CCBE1: variants seen among roughly 807,000 people sequenced by gnomAD.
The protein encoded by CCBE1 is collagen and calcium-binding EGF domain-containing protein 1.
A neutral mutation model predicts 50.0 loss-of-function variants in CCBE1; 37 were observed. The ratio of observed to expected loss-of-function variants is 0.74; its 90% confidence interval spans 0.57 to 0.97. CCBE1 has a LOEUF of 0.97. Ranked by LOEUF, CCBE1 falls within the 50% of genes least tolerant of loss-of-function variation. CCBE1 has a pLI of 0.00. For synonymous variants in CCBE1, 234 were observed against 203.7 expected (o/e 1.15, Z -1.27); for missense variants, 538 against 523.8 (o/e 1.03, Z -0.26).
intron 2 of CCBE1, among the ~76,000 whole-genome samples, chr18:59,686,322 T>C (rs1275491354): frequency 6.6e-6 from 1 of 152,202 alleles, no homozygotes; most frequent in Admixed American, 6.5e-5. Context: ...TTCCTTTAAG[T>C]GCCTCTTTTC....
chr18:59,575,814 T>C (rs1228053451), intron 2 of CCBE1, among the ~76,000 whole-genome samples: 1 of 152,186 alleles, frequency 6.6e-6, no homozygotes, highest in African/African-American at 2.4e-5. Context: ...GAGCAGGTCA[T>C]ACTGGGTAAG....
intron 2 of CCBE1, among the ~76,000 whole-genome samples, chr18:59,650,773 A>T (rs2054116932): frequency 6.6e-6 from 1 of 151,444 alleles, no homozygotes; most frequent in Admixed American, 6.6e-5. Context: ...ACTGGAGAAC[A>T]AGCCCATCCT....
chr18:59,474,437 C>T (rs1045140682), intron 3 of CCBE1, among the ~76,000 whole-genome samples: 1 of 152,200 alleles, frequency 6.6e-6, no homozygotes, highest in African/African-American at 2.4e-5. Context: ...TTTCTTAAGA[C>T]CTTTTCCTTG....
At chr18:59,572,414 T>C (rs1434937123) in intron 2 of CCBE1, among the ~76,000 whole-genome samples, 1 of 152,218 alleles carries the variant, frequency 6.6e-6, no homozygotes, top group Non-Finnish European at 1.5e-5. Flanking sequence ...TAGAATATCA[T>C]ATGGGTTTTT....
At chr18:59,491,778 G>A (rs944989956) in intron 2 of CCBE1, among the ~76,000 whole-genome samples, 7 of 151,194 alleles carry the variant, frequency 4.6e-5, no homozygotes, top group African/African-American at 1.5e-4. Flanking sequence ...TTGCACCACT[G>A]GACTCCAACC....
At chr18:59,686,577 T>C (rs1426212904) in intron 2 of CCBE1, among the ~76,000 whole-genome samples, 1 of 152,256 alleles carries the variant, frequency 6.6e-6, no homozygotes, top group African/African-American at 2.4e-5. Context: ...CAGTACTTGA[T>C]GCTTTTGTAT....
At chr18:59,583,613 C>T (rs2053119939) in intron 2 of CCBE1, among the ~76,000 whole-genome samples, 1 of 151,944 alleles carries the variant, frequency 6.6e-6, no homozygotes, top group Non-Finnish European at 1.5e-5. Context: ...AGCTTCTCCC[C>T]TATAAATAGC....
chr18:59,661,068 G>T (rs1276186608), intron 2 of CCBE1, among the ~76,000 whole-genome samples: 5 of 151,806 alleles, frequency 3.3e-5, no homozygotes, highest in Non-Finnish European at 7.4e-5. Context: ...ATTTTCCCTG[G>T]AGATAGTCCA....
At chr18:59,596,503 A>G (rs2053352846) in intron 2 of CCBE1, among the ~76,000 whole-genome samples, 2 of 152,206 alleles carry the variant, frequency 1.3e-5, no homozygotes, top group African/African-American at 2.4e-5. Context: ...GTCTAGACTG[A>G]TAAGACTTTG....
chr18:59,590,880 G>A (rs1403906852), intron 2 of CCBE1, among the ~76,000 whole-genome samples: 13 of 147,810 alleles, frequency 8.8e-5, no homozygotes, highest in Non-Finnish European at 2.9e-5. Context: ...GATCTGAGGT[G>A]TAAGTGTGAA....
intron 7 of CCBE1, among the ~76,000 whole-genome samples, chr18:59,440,195 A>C (rs1301798878): frequency 2.0e-5 from 3 of 152,196 alleles, no homozygotes; most frequent in African/African-American, 7.2e-5. Flanking sequence ...AGTGGCCACC[A>C]CCACAGAGAA....
At chr18:59,480,028 T>C (rs921047259) in intron 3 of CCBE1, among the ~76,000 whole-genome samples, 158 bp downstream of exon 3, 11 of 152,180 alleles carry the variant, frequency 7.2e-5, no homozygotes, top group Non-Finnish European at 1.5e-4. Flanking sequence ...TATAACAAAA[T>C]TGGCGTCAGA....
intron 6 of CCBE1, among the ~76,000 whole-genome samples, chr18:59,450,041 A>G (rs578156381): frequency 2.8e-3 from 421 of 152,304 alleles, no homozygotes; most frequent in African/African-American, 9.7e-3. Flanking sequence ...CTTTCTGCAT[A>G]AACACAGCAG....
At chr18:59,531,568 C>T (rs949823136) in intron 2 of CCBE1, among the ~76,000 whole-genome samples, 5 of 151,930 alleles carry the variant, frequency 3.3e-5, no homozygotes, top group South Asian at 2.1e-4. Context: ...GGCAACACAG[C>T]GAGATCCTAT....
intron 2 of CCBE1, among the ~76,000 whole-genome samples, chr18:59,655,121 G>T (rs1025455561): frequency 6.8e-6 from 1 of 146,692 alleles, no homozygotes; most frequent in African/African-American, 2.5e-5. Context: ...AACCTCAACA[G>T]CCATGACCCA....
At chr18:59,661,244 G>C (rs1325599957) in intron 2 of CCBE1, among the ~76,000 whole-genome samples, 1 of 152,174 alleles carries the variant, frequency 6.6e-6, no homozygotes, top group Non-Finnish European at 1.5e-5. Flanking sequence ...GGTAATTTGT[G>C]CAACTGAGCT....
chr18:59,580,386 T>C (rs2053065954), intron 2 of CCBE1, among the ~76,000 whole-genome samples: 2 of 152,208 alleles, frequency 1.3e-5, no homozygotes, highest in Non-Finnish European at 2.9e-5. Context: ...CATATGTTGA[T>C]TGATGTCTCA....
intron 2 of CCBE1, among the ~76,000 whole-genome samples, chr18:59,510,010 C>G (rs1914063639): frequency 6.6e-6 from 1 of 152,162 alleles, no homozygotes; most frequent in Non-Finnish European, 1.5e-5. Flanking sequence ...CATCACGGAA[C>G]CCAAACACCA....
chr18:59,626,093 C>T (rs1325161720), intron 2 of CCBE1, among the ~76,000 whole-genome samples: 2 of 152,148 alleles, frequency 1.3e-5, no homozygotes, highest in South Asian at 2.1e-4. Flanking sequence ...AGACATGCAT[C>T]AAAGCGCAGA....
Sources: allele counts gnomAD v4.1 joint callset (sites outside exome capture counted in the v4.1 genomes callset), GRCh38; gene constraint gnomAD v4.1.1; transcripts MANE v1.5; gene names NCBI Gene and HGNC (gene_info 2026-07-23, HGNC 2026-07-21).